The following GNG7 variants were observed in gnomAD, a reference collection of about 807,000 sequenced individuals.
GNG7 encodes G protein subunit gamma 7.
A neutral mutation model predicts 4.0 loss-of-function variants in GNG7; 1 was observed. The observed-to-expected ratio is 0.25, with a 90% CI of 0.09 to 1.18. The LOEUF is 1.18. GNG7 is among the 50% of genes most tolerant of loss of function. GNG7 has a pLI of 0.50. For missense variants in GNG7, 86 were observed against 91.9 expected (o/e 0.94, Z 0.26); for synonymous variants, 34 against 36.9 (o/e 0.92, Z 0.29).
rs202100769 is a variant in GNG7, at chr19:2,634,887, CAAAA to C, written c.-78+11333_-78+11336del. Among the ~76,000 whole-genome samples the C allele has an allele frequency of 2.9e-5, 4 of 137,522 alleles. No individual in the cohort carries two copies. Among genetic ancestry groups the C allele is most frequent in the Non-Finnish European group, 6.4e-5 (4 of 62,746 alleles). 90.2% of individuals were successfully genotyped at this position (137,522 alleles called of 152,430 possible). On this transcript the variant is annotated intron_variant, in intron 2 of 4. Coordinates refer to ENST00000382159, the MANE Select transcript of GNG7 (RefSeq NM_052847.3). The surrounding 1 kb of genome is among the most constrained non-coding windows in gnomAD (Gnocchi z 5.3). ...GTAAAGCTCTCAGCAGAAATGTTAC[CAAAA>C]AAAAAAAACCCTCGCCGGGAGAACA...
intron 1 of GNG7, among the ~76,000 whole-genome samples, chr19:2,691,527 G>A (rs936194204): frequency 6.6e-6 from 1 of 151,704 alleles, no homozygotes; most frequent in Non-Finnish European, 1.5e-5. Flanking sequence ...CTGGGCAACA[G>A]AGCAAGACTC....
In GNG7 at chr19:2,515,078, C is replaced by T. The variant is rs1456285329; in HGVS notation, c.151G>A (p.Gly51Arg). ...QHARNDPLLV[G>R]VPASENPFKD... ...AAGGGGTTCTCCGAGGCAGGGACTCCGACCAGCAGGGGGTCGTTCCGGGCA... is the reference window on the plus strand; with the variant it reads ...AAGGGGTTCTCCGAGGCAGGGACTCTGACCAGCAGGGGGTCGTTCCGGGCA... The change falls in exon 5 of 5, where the codon GGA becomes AGA. Residue 51 changes from glycine to arginine, a missense_variant. Transcript: ENST00000382159. 1.2e-6 allele frequency: 2 copies of T among 1,613,728 alleles called. No homozygotes were observed. The highest frequency in any genetic ancestry group is 1.7e-6 in the Non-Finnish European group (2 of 1,179,884).
intron 3 of GNG7, among the ~76,000 whole-genome samples, chr19:2,524,411 G>A (rs1026794963): frequency 6.6e-6 from 1 of 152,250 alleles, no homozygotes; most frequent in Non-Finnish European, 1.5e-5. Context: ...TGGTGTGCAT[G>A]TCAGTGTGCA....
At chr19:2,522,739 G>A (rs1158202512) in intron 3 of GNG7, among the ~76,000 whole-genome samples, 1 of 91,362 alleles carries the variant, frequency 1.1e-5, no homozygotes, top group Non-Finnish European at 2.0e-5. Context: ...GGGACAGAGT[G>A]AGACTCTGTC....
At chr19:2,612,712 T>TTTTTTTTTTTGAGAG (rs1981608284) in intron 2 of GNG7, among the ~76,000 whole-genome samples, 1 of 148,186 alleles carries the variant, frequency 6.7e-6, no homozygotes, top group African/African-American at 2.5e-5. Context: ...GAGAAATTTT[T>TTTTTTTTTTTGAGAG]TTTTTTTTTT....
chr19:2,522,263 T>C (rs1186178975), intron 3 of GNG7, among the ~76,000 whole-genome samples: 1 of 151,198 alleles, frequency 6.6e-6, no homozygotes, highest in Non-Finnish European at 1.5e-5. Flanking sequence ...TAGGACCCAG[T>C]GAGGGGGTTG....
chr19:2,536,700 C>G lies in GNG7; in HGVS notation c.-37-15975G>C, dbSNP rs377175546. Among the ~76,000 whole-genome samples, 3 of 152,082 alleles carry G rather than the reference C, an allele frequency of 2.0e-5. No individual in the cohort carries two copies. The East Asian group carries it at 5.8e-4, about 29-fold the overall frequency. The stretch of plus-strand genomic sequence containing the variant: ...CTTGGGCCGGAGACCTGGTTCTGAG[C>G]ACGTCCCCTGGACTTCCCTGAGCCT... On this transcript the variant is annotated intron_variant, in intron 3 of 4. Transcript: ENST00000382159.
chr19:2,654,003 C>T (rs1982896343), intron 1 of GNG7, among the ~76,000 whole-genome samples: 1 of 152,204 alleles, frequency 6.6e-6, no homozygotes, highest in African/African-American at 2.4e-5. Context: ...GTCTGGGACA[C>T]AGATGCTCTC....
chr19:2,629,597 C>G (rs531770651), intron 2 of GNG7, among the ~76,000 whole-genome samples: 1 of 152,314 alleles, frequency 6.6e-6, no homozygotes, highest in South Asian at 2.1e-4. Flanking sequence ...AGGTAGTGGA[C>G]AAGACCTCAC....
chr19:2,640,586 G>A (rs1437697122), intron 2 of GNG7, among the ~76,000 whole-genome samples: 1 of 152,146 alleles, frequency 6.6e-6, no homozygotes, highest in Non-Finnish European at 1.5e-5. Context: ...GGGGAACTTA[G>A]GGGCTTGGCC....
intron 2 of GNG7, among the ~76,000 whole-genome samples, chr19:2,585,708 A>T (rs900397599): frequency 2.0e-5 from 3 of 150,748 alleles, no homozygotes; most frequent in South Asian, 4.2e-4. Flanking sequence ...AAATTCAGTA[A>T]TTTTTTTTTT....
At position 2,568,622 on chromosome 19, in the gene GNG7, TACAC is replaced by T. The variant is rs555068006; in HGVS notation, c.-77-13438_-77-13435del. Among the ~76,000 whole-genome samples, 82 of 148,858 alleles carry T rather than the reference TACAC, an allele frequency of 5.5e-4. No individual in the cohort carries two copies. In the East Asian group the frequency reaches 8.2e-3, roughly 15 times the overall value. On this transcript the variant is annotated intron_variant, in intron 2 of 4. Transcript: ENST00000382159. ...ATAGACATACACACATATATACACA[TACAC>T]ACATATATACACATATACACAAATA...
chr19:2,644,545 C>T (rs1982615674), intron 2 of GNG7, among the ~76,000 whole-genome samples: 1 of 151,866 alleles, frequency 6.6e-6, no homozygotes, highest in African/African-American at 2.4e-5. Context: ...GCATTTAGTA[C>T]ATTCAGAGTC....
At chr19:2,554,078 G>A (rs891410349) in intron 3 of GNG7, among the ~76,000 whole-genome samples, 2 of 140,652 alleles carry the variant, frequency 1.4e-5, no homozygotes, top group African/African-American at 5.3e-5. Context: ...CTGAGGCAAA[G>A]GGATTGCTTG....
Position 2,611,348 on chromosome 19 carries a change from GGAGC to G in GNG7, c.-78+34872_-78+34875del, listed in dbSNP as rs1281721620. On this transcript the variant is annotated intron_variant, in intron 2 of 4. Coordinates refer to ENST00000382159, the MANE Select transcript of GNG7 (RefSeq NM_052847.3). The surrounding 1 kb of genome is among the most constrained non-coding windows in gnomAD (Gnocchi z 6.0). The stretch of plus-strand genomic sequence containing the variant: ...AGCTGGAGCCAGGACAGGTCTCCCG[GGAGC>G]TGGTCTGTGCTGCCACCTGCTGGTC... 6.6e-6 allele frequency: 1 copy of G among 152,296 alleles called. No individual in the cohort carries two copies. Among genetic ancestry groups the G allele is most frequent in the Non-Finnish European group, 1.5e-5 (1 of 68,136 alleles). 9.4% of individuals were successfully genotyped at this position (152,296 alleles called of 1,614,324 possible).
intron 2 of GNG7, among the ~76,000 whole-genome samples, chr19:2,599,098 A>G (rs923800110): frequency 6.6e-6 from 1 of 151,936 alleles, no homozygotes; most frequent in African/African-American, 2.4e-5. Flanking sequence ...GGGCTGTGCT[A>G]TTTGCTTGTG....
intron 2 of GNG7, among the ~76,000 whole-genome samples, chr19:2,628,155 A>G (rs1982066677): frequency 6.6e-6 from 1 of 152,258 alleles, no homozygotes; most frequent in African/African-American, 2.4e-5. Flanking sequence ...AACAGCGGCA[A>G]CAAAGACACC....
At chr19:2,690,119 C>T (rs142984401) in intron 1 of GNG7, among the ~76,000 whole-genome samples, 45 of 152,114 alleles carry the variant, frequency 3.0e-4, no homozygotes, top group African/African-American at 8.4e-4. Context: ...CGGTGGCTCA[C>T]GTCTGTAATC....
intron 2 of GNG7, among the ~76,000 whole-genome samples, chr19:2,631,492 G>A (rs72978705): frequency 0.022 from 3,293 of 152,322 alleles, 47 homozygotes; most frequent in Non-Finnish European, 0.035. Flanking sequence ...CTGATGACAG[G>A]TAAATGAATG....
Sources: gnomAD v4.1 joint callset for allele counts (sites outside exome capture counted in the v4.1 genomes callset) on GRCh38, gnomAD v4.1.1 for gene constraint, Gnocchi (gnomAD v3.1) non-coding constraint, MANE v1.5 for transcripts, NCBI Gene and HGNC (gene_info 2026-07-23, HGNC 2026-07-21) for gene names.